LYPLAL1: variants seen among roughly 807,000 people sequenced by gnomAD.
LYPLAL1 encodes lysophospholipase like 1.
In LYPLAL1, 23 loss-of-function variants were observed where a neutral mutation model predicts 19.7. The ratio of observed to expected loss-of-function variants is 1.17; its 90% CI spans 0.84 to 1.65. The LOEUF (loss-of-function observed/expected upper bound fraction) is 1.65. Ranked by LOEUF, LYPLAL1 falls within the 40% of genes most tolerant of loss-of-function variation. The pLI, the probability that LYPLAL1 is intolerant of heterozygous loss-of-function variation, is 0.00. For synonymous variants in LYPLAL1, 119 were observed against 96.3 expected (o/e 1.24, Z -1.38); for missense variants, 355 against 279.4 (o/e 1.27, Z -1.93).
intron 1 of LYPLAL1, 41 bp downstream of exon 1, chr1:219,174,022 A>T: frequency 4.3e-6 from 7 of 1,613,052 alleles, no homozygotes; most frequent in Non-Finnish European, 5.9e-6. Context: ...ACAGCTCGGG[A>T]AACATCCTCC....
chr1:219,419,245 C>G, the LYPLAL1 span, among the ~76,000 whole-genome samples: 6 of 152,282 alleles, frequency 3.9e-5, no homozygotes, highest in Admixed American at 3.3e-4. Context: ...AAACCATCTT[C>G]CCACTGTTTA....
At chr1:219,237,907 G>T in the LYPLAL1 span, among the ~76,000 whole-genome samples, 519 of 152,142 alleles carry the variant, frequency 3.4e-3, 7 homozygotes, top group African/African-American at 0.012. Context: ...CACAATCCCT[G>T]GCCTAGACAA....
the LYPLAL1 span, among the ~76,000 whole-genome samples, chr1:219,377,503 ATTTATATT>A: frequency 6.6e-6 from 1 of 152,184 alleles, no homozygotes; most frequent in Non-Finnish European, 1.5e-5. Context: ...ATGTTACATT[ATTTATATT>A]TTGTCACAGT....
chr1:219,355,812 G>C, the LYPLAL1 span, among the ~76,000 whole-genome samples: 1 of 150,486 alleles, frequency 6.6e-6, no homozygotes, highest in Non-Finnish European at 1.5e-5. Flanking sequence ...AAAGCAGAAA[G>C]ATACCTGAAA....
chr1:219,316,893 A>C, the LYPLAL1 span, among the ~76,000 whole-genome samples: 138 of 152,060 alleles, frequency 9.1e-4, 1 homozygote, highest in East Asian at 0.02. Flanking sequence ...GGCTGGGGGG[A>C]GGAGGAAATG....
At chr1:219,378,834 A>T in the LYPLAL1 span, among the ~76,000 whole-genome samples, 5 of 152,262 alleles carry the variant, frequency 3.3e-5, no homozygotes, top group South Asian at 1.0e-3. Context: ...AATAGACAAT[A>T]TATTTTTAAT....
chr1:219,244,844 G>T, the LYPLAL1 span, among the ~76,000 whole-genome samples: 1 of 151,084 alleles, frequency 6.6e-6, no homozygotes, highest in African/African-American at 2.4e-5. Context: ...CTACTTGGGA[G>T]GCTGAGGCAG....
At chr1:219,267,169 A>G in the LYPLAL1 span, among the ~76,000 whole-genome samples, 1 of 152,054 alleles carries the variant, frequency 6.6e-6, no homozygotes, top group African/African-American at 2.4e-5. Context: ...GTTTCCAAAA[A>G]CCCTAGGAGG....
the LYPLAL1 span, among the ~76,000 whole-genome samples, chr1:219,317,668 T>G: frequency 1.3e-5 from 2 of 152,232 alleles, no homozygotes; most frequent in South Asian, 2.1e-4. Flanking sequence ...TGACTTTTAG[T>G]GGTATGAATT....
At chr1:219,391,837 T>C in the LYPLAL1 span, among the ~76,000 whole-genome samples, 1 of 152,186 alleles carries the variant, frequency 6.6e-6, no homozygotes, top group Non-Finnish European at 1.5e-5. Context: ...GTTTAAGATC[T>C]CCCCAAACTG....
chr1:219,223,536 G>T, the LYPLAL1 span, among the ~76,000 whole-genome samples: 2 of 152,066 alleles, frequency 1.3e-5, no homozygotes. Flanking sequence ...TCATTATTAT[G>T]TGCTTTTTCT....
the LYPLAL1 span, among the ~76,000 whole-genome samples, chr1:219,384,469 G>T: frequency 0.27 from 41,480 of 152,030 alleles, 6,303 homozygotes; most frequent in Admixed American, 0.36. Context: ...TGGTTTTTAG[G>T]TGAAGATATT....
At chr1:219,439,990 T>C in the LYPLAL1 span, among the ~76,000 whole-genome samples, 334 of 120,260 alleles carry the variant, frequency 2.8e-3, no homozygotes, top group Admixed American at 9.2e-3. Flanking sequence ...TATATATATA[T>C]ACACACATAT....
the LYPLAL1 span, among the ~76,000 whole-genome samples, chr1:219,419,879 C>T: frequency 1.3e-5 from 2 of 152,204 alleles, no homozygotes; most frequent in Admixed American, 1.3e-4. Context: ...GTACAGCTAG[C>T]TTCCCAAAGT....
At chr1:219,237,467 A>G in the LYPLAL1 span, among the ~76,000 whole-genome samples, 2 of 152,216 alleles carry the variant, frequency 1.3e-5, no homozygotes. Context: ...GGATAATGTG[A>G]TACAAAGTTT....
At chr1:219,273,836 A>G in the LYPLAL1 span, among the ~76,000 whole-genome samples, 1 of 152,062 alleles carries the variant, frequency 6.6e-6, no homozygotes, top group Non-Finnish European at 1.5e-5. Flanking sequence ...ATCTCGGCTC[A>G]CTGCAACCTC....
the LYPLAL1 span, among the ~76,000 whole-genome samples, chr1:219,286,185 A>C: frequency 6.6e-6 from 1 of 152,140 alleles, no homozygotes; most frequent in African/African-American, 2.4e-5. Context: ...GGTGCATGAC[A>C]GTTGCAATAG....
the LYPLAL1 span, among the ~76,000 whole-genome samples, chr1:219,389,912 T>G: frequency 6.6e-6 from 1 of 152,178 alleles, no homozygotes; most frequent in Non-Finnish European, 1.5e-5. Flanking sequence ...TTGCATAGAT[T>G]GAAAATTATT....
chr1:219,379,857 T>C, the LYPLAL1 span, among the ~76,000 whole-genome samples: 4 of 152,208 alleles, frequency 2.6e-5, no homozygotes, highest in Non-Finnish European at 5.9e-5. Context: ...AAAAGACCTA[T>C]TGTTAATTTT....
Sources: allele counts gnomAD v4.1 joint callset (sites outside exome capture counted in the v4.1 genomes callset), GRCh38; gene constraint gnomAD v4.1.1; transcripts MANE v1.5; gene names NCBI Gene and HGNC (gene_info 2026-07-23, HGNC 2026-07-21).